Variants in PCDHGA9 observed in about 807,000 individuals in gnomAD.
The protein encoded by PCDHGA9 is protocadherin gamma-A9.
PCDHGA9 carries 37 observed loss-of-function variants against 62.5 expected under a neutral mutation model. The ratio of observed to expected loss-of-function variants is 0.59; its 90% CI spans 0.46 to 0.78. The LOEUF is 0.78. Among genes scored for constraint, PCDHGA9 ranks in the 30% least tolerant of loss-of-function variants. PCDHGA9 has a pLI of 0.00. For synonymous variants in PCDHGA9, 459 were observed against 484.6 expected (o/e 0.95, Z 0.69); for missense variants, 1,138 against 1,166.2 (o/e 0.98, Z 0.35).
chr5:141,418,125 G>C, intron 1 of PCDHGA9: 1 of 1,614,086 alleles, frequency 6.2e-7, no homozygotes. Flanking sequence ...GTGAAGGACC[G>C]AATAGACCGT....
chr5:141,432,561 A>C lies in PCDHGA9; in HGVS notation c.2424+27185A>C, dbSNP rs746684751. On this transcript the variant is annotated intron_variant, in intron 1 of 3. Transcript: ENST00000573521. This position sits in a 1 kb window ranked among gnomAD's most constrained non-coding sequence, Gnocchi z 6.0. Reference sequence around the variant, plus strand: ...GCGGTGGACAGAGACTCCGGCCAGAACGCCTGGCTGTCCTACCGTCTGCTC... The same window carrying C: ...GCGGTGGACAGAGACTCCGGCCAGACCGCCTGGCTGTCCTACCGTCTGCTC... 37 of 1,613,308 alleles carry C rather than the reference A, an allele frequency of 2.3e-5. 1 individual carries two copies. The highest frequency in any genetic ancestry group is 2.7e-5 in the African/African-American group (2 of 74,712).
rs112156044 is a variant in PCDHGA9, at chr5:141,476,771, G to A, written c.2425-18036G>A. The A allele has an allele frequency of 6.2e-7, 1 of 1,613,700 alleles. No homozygotes were observed. The highest frequency in any genetic ancestry group is 1.3e-5 in the African/African-American group (1 of 75,036). On this transcript the variant is annotated intron_variant, in intron 1 of 3. Coordinates refer to ENST00000573521, the MANE Select transcript of PCDHGA9 (RefSeq NM_018921.3). The surrounding 1 kb of genome is among the most constrained non-coding windows in gnomAD (Gnocchi z 7.6). ...CCAGTTAGTGCTGACGGCGTTGGAC[G>A]GAGGGACCCCAGCTCTCTCCGCCAG...
intron 1 of PCDHGA9, among the ~76,000 whole-genome samples, chr5:141,405,666 C>T (rs752033736): frequency 3.3e-5 from 5 of 152,198 alleles, no homozygotes; most frequent in Admixed American, 6.5e-5. Flanking sequence ...TTAGTAGAGA[C>T]GGGGTGTCAC....
intron 1 of PCDHGA9, chr5:141,426,609 G>A (rs1026143678): frequency 5.2e-6 from 2 of 382,862 alleles, no homozygotes; most frequent in African/African-American, 4.2e-5. Flanking sequence ...AGAGATTGTA[G>A]CAGAGAATCC....
chr5:141,478,186 C>T, intron 1 of PCDHGA9: 2 of 1,614,016 alleles, frequency 1.2e-6, no homozygotes, highest in Non-Finnish European at 1.7e-6. Context: ...AAAAAAATCT[C>T]ACCTTTTATC....
intron 1 of PCDHGA9, among the ~76,000 whole-genome samples, chr5:141,460,093 A>T (rs2098981983): frequency 6.6e-6 from 1 of 151,964 alleles, no homozygotes. Flanking sequence ...TAATAATTAT[A>T]CATGTAATTA....
At chr5:141,433,546 T>C (rs1317735935) in intron 1 of PCDHGA9, among the ~76,000 whole-genome samples, 1 of 152,090 alleles carries the variant, frequency 6.6e-6, no homozygotes, top group Non-Finnish European at 1.5e-5. Context: ...TATCAGATAT[T>C]CTTTTCTGGC....
chr5:141,438,631 TATATAC>T (rs1271580663), intron 1 of PCDHGA9, among the ~76,000 whole-genome samples: 5,390 of 42,476 alleles, frequency 0.13, 146 homozygotes, highest in Non-Finnish European at 0.16. Context: ...TATATATATA[TATATAC>T]ACACACACAC....
At chr5:141,447,937 T>A (rs1036604034) in intron 1 of PCDHGA9, among the ~76,000 whole-genome samples, 1 of 151,852 alleles carries the variant, frequency 6.6e-6, no homozygotes, top group Non-Finnish European at 1.5e-5. Context: ...AATACAAAAA[T>A]TAGCTGGGCA....
rs961341807 is a variant in PCDHGA9 at position 141,486,262 on chromosome 5, A to G, written c.2425-8545A>G. The G allele has an allele frequency of 6.2e-6, 10 of 1,613,912 alleles. No individual in the cohort carries two copies. Among genetic ancestry groups the G allele is most frequent in the Non-Finnish European group, 8.5e-6 (10 of 1,179,986 alleles). On this transcript the variant is annotated intron_variant, in intron 1 of 3. Transcript: ENST00000573521. This position sits in a 1 kb window ranked among gnomAD's most constrained non-coding sequence, Gnocchi z 5.0. ...AGCTTGGAACCCTCCCCGAGAGTGC[A>G]GAACCTGGCACTGTGGTGGCACTTA...
intron 1 of PCDHGA9, among the ~76,000 whole-genome samples, chr5:141,466,884 T>G (rs901947336): frequency 2.6e-5 from 4 of 152,212 alleles, no homozygotes; most frequent in Admixed American, 1.3e-4. Flanking sequence ...TTTCATAATA[T>G]GCATTTTCCA....
intron 1 of PCDHGA9, chr5:141,422,827 A>T: frequency 6.2e-7 from 1 of 1,614,208 alleles, no homozygotes; most frequent in Non-Finnish European, 8.5e-7. Context: ...ACTGAGAGTG[A>T]TAGCACGTGA....
At chr5:141,411,955 A>G (rs1427605209) in intron 1 of PCDHGA9, 2 of 152,244 alleles carry the variant, frequency 1.3e-5, no homozygotes, top group Admixed American at 6.5e-5. Context: ...TTTGAAGAAA[A>G]AAGATAAAAT....
chr5:141,497,217 G>A (rs1046945884), intron 2 of PCDHGA9, among the ~76,000 whole-genome samples: 1 of 152,066 alleles, frequency 6.6e-6, no homozygotes, highest in African/African-American at 2.4e-5. Flanking sequence ...AATGGGGGGG[G>A]GAAGATCAGA....
chr5:141,446,482 C>A (rs961785845), intron 1 of PCDHGA9, among the ~76,000 whole-genome samples: 2 of 146,988 alleles, frequency 1.4e-5, no homozygotes, highest in Non-Finnish European at 3.0e-5. Flanking sequence ...GGTCATCATT[C>A]TTTTTTTTTT....
In PCDHGA9 at chr5:141,404,623, C is replaced by T; in HGVS notation, c.1671C>T (p.Asp557=). Residue 557 remains aspartate (D), a synonymous_variant, in exon 1 of 4, where the codon GAC becomes GAT. Coordinates refer to ENST00000573521, the MANE Select transcript of PCDHGA9 (RefSeq NM_018921.3). ...GACTGTTTGTTTTGGACCAGAATGA[C>T]AATGCCCCAGAAATCCTGTACCCTG... The part of the protein sequence containing the change: ...SLRLFVLDQN[D]NAPEILYPAL... 1.9e-6 allele frequency: 3 copies of T among 1,614,154 alleles called. No individual in the cohort carries two copies. The highest frequency in any genetic ancestry group is 2.5e-6 in the Non-Finnish European group (3 of 1,180,010).
intron 1 of PCDHGA9, chr5:141,419,575 C>T (rs2096401495): frequency 6.2e-7 from 1 of 1,611,782 alleles, no homozygotes. Context: ...CCGACGGCTC[C>T]GCGCTCTTCG....
rs769032535 is a variant in PCDHGA9, at chr5:141,404,643, AC to A, written c.1694del (p.Pro565LeufsTer24). 4 of 1,614,126 alleles carry A rather than the reference AC, an allele frequency of 2.5e-6. No homozygotes were observed. The highest frequency in any genetic ancestry group is 4.5e-5 in the East Asian group (2 of 44,876). On this transcript the variant is annotated frameshift_variant, in exon 1 of 4. Coordinates refer to ENST00000573521, the MANE Select transcript of PCDHGA9 (RefSeq NM_018921.3). LOFTEE classifies it high-confidence loss of function. ...AATGACAATGCCCCAGAAATCCTGT[AC>A]CCTGCCCTCCCCACTGATGGTTCTA... ...DQNDNAPEILYPALPTDGSTG... is the reference protein window; with the variant it reads ...DQNDNAPEILXPALPTDGSTG...
At position 141,487,501 on chromosome 5, in the gene PCDHGA9, T is replaced by C. The variant is rs746285663; in HGVS notation, c.2425-7306T>C. 1.2e-6 allele frequency: 2 copies of C among 1,614,232 alleles called. No individual in the cohort carries two copies. The highest frequency in any genetic ancestry group is 3.3e-5 in the Admixed American group (2 of 60,028). ...ACTCTCATGGCTGTACACCCTTGGC[T>C]TCTGCACCCACTCGGAGTGATAGCT... On this transcript the variant is annotated intron_variant, in intron 1 of 3. Coordinates refer to ENST00000573521, the MANE Select transcript of PCDHGA9 (RefSeq NM_018921.3). The surrounding 1 kb of genome is among the most constrained non-coding windows in gnomAD (Gnocchi z 5.0).
Sources: allele counts gnomAD v4.1 joint callset (sites outside exome capture counted in the v4.1 genomes callset), GRCh38; gene constraint gnomAD v4.1.1; non-coding constraint Gnocchi (gnomAD v3.1); transcripts MANE v1.5; gene names NCBI Gene and HGNC (gene_info 2026-07-23, HGNC 2026-07-21).